The following VRK3 variants were observed in gnomAD, a reference collection of about 807,000 sequenced individuals.
VRK3 encodes the protein serine/threonine-protein kinase VRK3.
In VRK3, 50 loss-of-function variants were observed where a neutral mutation model predicts 60.4. The observed-to-expected ratio is 0.83, with a 90% CI of 0.66 to 1.05. The LOEUF is 1.05. VRK3 is among the 50% of genes least tolerant of loss of function. The pLI, the probability that VRK3 is intolerant of heterozygous loss-of-function variation, is 0.00. For missense variants in VRK3, 549 were observed against 585.3 expected (o/e 0.94, Z 0.64); for synonymous variants, 246 against 227.8 (o/e 1.08, Z -0.72).
chr19:50,007,574 T>C lies in VRK3; in HGVS notation c.542A>G (p.Tyr181Cys), dbSNP rs201098426. The change falls in exon 5 of 15, where the codon TAT (tyrosine) becomes TGT (cysteine). Residue 181 changes from tyrosine (Y) to cysteine (C), a missense_variant. By Grantham distance (194) the Tyr-to-Cys change is radical (BLOSUM62 -2). Transcript: ENST00000316763. ...FQTRDNQGIL[Y>C]EAAPTSTLTC... ...CGCCCATGGACAGAGTGTACCTTCA[T>C]AGAGAATGCCCTGGTTGTCCCTGGT... is the stretch of plus-strand genomic sequence containing the variant. The C allele has an allele frequency of 8.1e-6, 13 of 1,614,214 alleles. No homozygotes were observed. The highest frequency in any genetic ancestry group is 5.5e-5 in the South Asian group (5 of 91,084).
chr19:49,989,860 T>G, intron 10 of VRK3, 89 bp from the exon 11 acceptor site: 1 of 1,429,320 alleles, frequency 7.0e-7, no homozygotes, highest in South Asian at 1.5e-5. Flanking sequence ...ACAACAAACA[T>G]TCTACCAAAG....
chr19:50,019,376 A>C (rs2122651958), intron 2 of VRK3: 1 of 139,476 alleles, frequency 7.2e-6, no homozygotes, highest in Non-Finnish European at 1.6e-5. Flanking sequence ...CTAATTAAAA[A>C]TATATGTATT....
At chr19:49,984,823 C>A (rs1157081115) in intron 12 of VRK3, among the ~76,000 whole-genome samples, 1 of 152,084 alleles carries the variant, frequency 6.6e-6, no homozygotes, top group African/African-American at 2.4e-5. Context: ...TGGGGTCTCA[C>A]CACGTTGCCC....
intron 3 of VRK3, among the ~76,000 whole-genome samples, chr19:50,010,456 T>G (rs2076975941): frequency 6.6e-6 from 1 of 152,216 alleles, no homozygotes; most frequent in South Asian, 2.1e-4. Context: ...GATGTTTGTC[T>G]TTAAAGGATG....
chr19:49,983,385 C>T (rs915713372), intron 12 of VRK3, among the ~76,000 whole-genome samples: 1 of 152,254 alleles, frequency 6.6e-6, no homozygotes, highest in African/African-American at 2.4e-5. Context: ...AAGTCTTCCC[C>T]AGACCCCTCC....
At chr19:49,989,410 C>A (rs572662364) in intron 11 of VRK3, among the ~76,000 whole-genome samples, 1 of 152,236 alleles carries the variant, frequency 6.6e-6, no homozygotes, top group African/African-American at 2.4e-5. Context: ...ACCCCAACCT[C>A]TGGAACTCAG....
rs1424799663 is a variant in VRK3 at position 50,007,838 on chromosome 19, T to C, written c.290-12A>G. On this transcript the variant is annotated splice_polypyrimidine_tract_variant and intron_variant, in intron 4 of 14. Coordinates refer to ENST00000316763, the MANE Select transcript of VRK3 (RefSeq NM_016440.4). Reference sequence around the variant, plus strand: ...TCTGCTCCCGGAGCCTGCAGGAGGATGTAAGAATAAAGTAAAAGCACCATC... The same window carrying C: ...TCTGCTCCCGGAGCCTGCAGGAGGACGTAAGAATAAAGTAAAAGCACCATC... 6 of 1,613,878 alleles carry C rather than the reference T, an allele frequency of 3.7e-6. No individual in the cohort carries two copies. The highest frequency in any genetic ancestry group is 1.1e-5 in the South Asian group (1 of 91,074).
intron 4 of VRK3, among the ~76,000 whole-genome samples, chr19:50,008,271 G>A (rs1015958130): frequency 4.0e-5 from 6 of 151,792 alleles, no homozygotes; most frequent in Non-Finnish European, 8.8e-5. Context: ...ACTCAGTCCT[G>A]AGATAGAAAA....
intron 3 of VRK3, among the ~76,000 whole-genome samples, chr19:50,015,219 C>G (rs2077056146): frequency 1.3e-5 from 2 of 152,092 alleles, no homozygotes; most frequent in African/African-American, 4.8e-5. Context: ...CATCCCAAAT[C>G]CGGAAATCTG....
At chr19:50,019,329 A>C (rs1170970716) in intron 2 of VRK3, 1 of 151,498 alleles carries the variant, frequency 6.6e-6, no homozygotes, top group Non-Finnish European at 1.5e-5. Context: ...CAGTCTCCCG[A>C]GTAGCTAGGA....
intron 12 of VRK3, among the ~76,000 whole-genome samples, chr19:49,985,245 C>A (rs1178519635): frequency 1.3e-5 from 2 of 152,170 alleles, no homozygotes; most frequent in African/African-American, 4.8e-5. Context: ...AAACCTGTCT[C>A]ACCACTGTGA....
chr19:49,983,030 A>G (rs907906140), intron 12 of VRK3, among the ~76,000 whole-genome samples: 5 of 151,550 alleles, frequency 3.3e-5, no homozygotes, highest in African/African-American at 1.2e-4. Flanking sequence ...TCAGCCCTCA[A>G]CCTTTCTCCC....
At chr19:49,988,863 C>T (rs7254964) in intron 11 of VRK3, among the ~76,000 whole-genome samples, 7,980 of 152,186 alleles carry the variant, frequency 0.052, 690 homozygotes, top group African/African-American at 0.18. Context: ...ACAGCTATAG[C>T]GTGCGACTAC....
Position 50,009,307 on chromosome 19 carries a change from C to A in VRK3, c.218G>T (p.Arg73Leu), listed in dbSNP as rs781158692. 6.2e-7 allele frequency: 1 copy of A among 1,614,088 alleles called. No individual in the cohort carries two copies. Among genetic ancestry groups the A allele is most frequent in the East Asian group, 2.2e-5 (1 of 44,878 alleles). The change falls in exon 4 of 15, where the codon CGA becomes CTA. Residue 73 changes from arginine (R) to leucine (L), a missense_variant. Arg to Leu is a moderately radical substitution (Grantham distance 102, BLOSUM62 -2). Transcript: ENST00000316763. Reference sequence around the variant, plus strand: ...GTCACCATCTGAGAAGAGGGATAATCGGGGAGAGGTGACGGTGCTGGACCA... The same window carrying A: ...GTCACCATCTGAGAAGAGGGATAATAGGGGAGAGGTGACGGTGCTGGACCA... ...VKWSSTVTSP[R>L]LSLFSDGDSS...
intron 13 of VRK3, among the ~76,000 whole-genome samples, chr19:49,980,364 G>GT (rs1568768887): frequency 6.6e-6 from 1 of 152,110 alleles, no homozygotes; most frequent in Non-Finnish European, 1.5e-5. Flanking sequence ...ATGGCCCCAG[G>GT]GTTAAGTGAA....
intron 10 of VRK3, among the ~76,000 whole-genome samples, chr19:49,991,650 G>T (rs999446102): frequency 6.6e-6 from 1 of 152,188 alleles, no homozygotes; most frequent in African/African-American, 2.4e-5. Flanking sequence ...GTTCAGGTCT[G>T]TTTCTGCCAG....
chr19:50,023,998 C>T (rs1840617663), intron 1 of VRK3, among the ~76,000 whole-genome samples: 4 of 152,330 alleles, frequency 2.6e-5, no homozygotes, highest in South Asian at 4.1e-4. Context: ...AGCAGTGGCA[C>T]GACCTCAGCT....
intron 11 of VRK3, among the ~76,000 whole-genome samples, chr19:49,989,345 C>T (rs556285923): frequency 1.3e-5 from 2 of 152,330 alleles, no homozygotes; most frequent in South Asian, 4.1e-4. Flanking sequence ...CTCAACAGCC[C>T]CTCCTGGATG....
intron 9 of VRK3, among the ~76,000 whole-genome samples, 159 bp from the exon 10 acceptor site, chr19:49,993,111 C>T (rs1282646921): frequency 2.0e-5 from 3 of 152,162 alleles, no homozygotes; most frequent in East Asian, 1.9e-4. Flanking sequence ...ATGAGGAGCC[C>T]GCTGTGACAG....
Sources: gnomAD v4.1 joint callset for allele counts (sites outside exome capture counted in the v4.1 genomes callset) on GRCh38, gnomAD v4.1.1 for gene constraint, MANE v1.5 for transcripts, NCBI Gene and HGNC (gene_info 2026-07-23, HGNC 2026-07-21) for gene names.